Variants in DPP6 observed in about 807,000 individuals in gnomAD.
The protein encoded by DPP6 is A-type potassium channel modulatory protein DPP6.
DPP6 carries 69 observed loss-of-function variants against 122.6 expected under a neutral mutation model. The observed-to-expected ratio is 0.56, with a 90% confidence interval of 0.46 to 0.69. The LOEUF is 0.69. DPP6 is among the 30% of genes least tolerant of loss of function. The pLI is 0.00. For missense variants in DPP6, 928 were observed against 1,116.9 expected (o/e 0.83, Z 2.41); for synonymous variants, 418 against 433.1 (o/e 0.97, Z 0.43).
At chr7:154,559,347 GA>G (rs372642507) in intron 4 of DPP6, among the ~76,000 whole-genome samples, 2,217 of 114,864 alleles carry the variant, frequency 0.019, 24 homozygotes, top group South Asian at 0.044. Context: ...AGAGAAACTT[GA>G]AAAAAAAAAA....
Position 154,374,944 on chromosome 7 carries a change from A to G in DPP6, c.244-71270A>G, listed in dbSNP as rs372820512. On this transcript the variant is annotated intron_variant, in intron 1 of 25. Transcript: ENST00000377770. Reference sequence around the variant, plus strand: ...TAGTTTTAATTAATTCTTTCAACAAATATCTCTAAGTACTCATTATGTGAC... The same window carrying G: ...TAGTTTTAATTAATTCTTTCAACAAGTATCTCTAAGTACTCATTATGTGAC... Among the ~76,000 whole-genome samples, 6 of 152,112 alleles carry G rather than the reference A, an allele frequency of 3.9e-5. 1 individual carries two copies. The highest frequency in any genetic ancestry group is 8.8e-5 in the Non-Finnish European group (6 of 68,020).
chr7:154,223,814 A>G (rs1260585782), intron 1 of DPP6, among the ~76,000 whole-genome samples: 1 of 148,774 alleles, frequency 6.7e-6, no homozygotes, highest in Non-Finnish European at 1.5e-5. Context: ...ACACAGGGAA[A>G]ATCCTCTTCT....
intron 1 of DPP6, among the ~76,000 whole-genome samples, chr7:153,995,492 G>A (rs1448837044): frequency 6.6e-6 from 1 of 150,968 alleles, no homozygotes; most frequent in East Asian, 2.0e-4. Flanking sequence ...GAGAGGCTGA[G>A]GCAGGAGAAT....
At chr7:153,971,082 GTTAGTAACA>G (rs1795993746) in intron 1 of DPP6, among the ~76,000 whole-genome samples, 1 of 152,084 alleles carries the variant, frequency 6.6e-6, no homozygotes, top group South Asian at 2.1e-4. Flanking sequence ...GAATTGGCAT[GTTAGTAACA>G]TTAAGTGTAT....
At chr7:154,501,230 T>A (rs1233594019) in intron 3 of DPP6, among the ~76,000 whole-genome samples, 1 of 148,690 alleles carries the variant, frequency 6.7e-6, no homozygotes, top group Non-Finnish European at 1.5e-5. Flanking sequence ...TTTGGACAAT[T>A]TGCAGTCTGA....
chr7:154,373,718 T>A (rs55970430), intron 1 of DPP6, among the ~76,000 whole-genome samples: 124,364 of 151,720 alleles, frequency 0.82, 51,289 homozygotes, highest in East Asian at 0.88. Context: ...GCAGGCATTT[T>A]CCACCATCCA....
intron 1 of DPP6, among the ~76,000 whole-genome samples, chr7:154,395,656 C>T (rs1482090362): frequency 2.0e-5 from 3 of 151,940 alleles, no homozygotes; most frequent in Admixed American, 1.3e-4. Flanking sequence ...AAAATGGGAT[C>T]CTTAAGGTTT....
intron 1 of DPP6, among the ~76,000 whole-genome samples, chr7:154,076,431 C>T (rs993923676): frequency 2.7e-5 from 4 of 150,852 alleles, no homozygotes; most frequent in Admixed American, 6.6e-5. Flanking sequence ...GCCTGGGTGA[C>T]GAGGGCAAAA....
chr7:154,859,684 G>T (rs1803178750), intron 17 of DPP6, among the ~76,000 whole-genome samples: 1 of 152,188 alleles, frequency 6.6e-6, no homozygotes. Flanking sequence ...CCTTAAGAAG[G>T]TAATTATGGT....
chr7:154,453,244 A>G (rs908836468), intron 2 of DPP6, among the ~76,000 whole-genome samples: 1 of 152,188 alleles, frequency 6.6e-6, no homozygotes, highest in African/African-American at 2.4e-5. Context: ...CGGAAACACT[A>G]GAACACTTTT....
At chr7:154,091,280 T>A (rs985432848) in intron 1 of DPP6, among the ~76,000 whole-genome samples, 3 of 152,178 alleles carry the variant, frequency 2.0e-5, no homozygotes, top group Admixed American at 6.5e-5. Flanking sequence ...CCTCCCCTGC[T>A]TAGAAACCTC....
chr7:154,756,764 T>C (rs1273744611), intron 8 of DPP6, among the ~76,000 whole-genome samples: 3 of 152,158 alleles, frequency 2.0e-5, no homozygotes, highest in Non-Finnish European at 2.9e-5. Flanking sequence ...TGATAGCTTG[T>C]TGTGATACTT....
chr7:154,626,572 G>A (rs1011627895), intron 5 of DPP6, among the ~76,000 whole-genome samples: 6 of 152,218 alleles, frequency 3.9e-5, no homozygotes, highest in African/African-American at 1.2e-4. Context: ...GTATAATAGC[G>A]TTGGGTGTGG....
intron 7 of DPP6, among the ~76,000 whole-genome samples, chr7:154,703,764 G>A (rs575423620): frequency 3.3e-4 from 50 of 151,958 alleles, no homozygotes; most frequent in South Asian, 8.4e-4. Context: ...GTGAAACCCC[G>A]TCTCTACTAA....
At chr7:154,126,097 G>A (rs1056838792) in intron 1 of DPP6, among the ~76,000 whole-genome samples, 1 of 152,202 alleles carries the variant, frequency 6.6e-6, no homozygotes, top group Non-Finnish European at 1.5e-5. Flanking sequence ...TAGAGAAAGG[G>A]CTATTCATGG....
intron 19 of DPP6, among the ~76,000 whole-genome samples, chr7:154,872,993 G>A (rs989851395): frequency 1.3e-5 from 2 of 152,200 alleles, no homozygotes; most frequent in Non-Finnish European, 1.5e-5. Flanking sequence ...CAGGCTCACC[G>A]GAGGCTGGCA....
chr7:154,004,549 G>C (rs1232511869), intron 1 of DPP6, among the ~76,000 whole-genome samples: 1 of 151,500 alleles, frequency 6.6e-6, no homozygotes, highest in African/African-American at 2.4e-5. Context: ...AAATAAAAAT[G>C]TGTAAGTGAA....
Position 153,907,092 on chromosome 7 carries a change from G to A in DPP6, c.51+19358G>A, listed in dbSNP as rs1229268651. Among the ~76,000 whole-genome samples, 7 of 152,172 alleles carry A rather than the reference G, an allele frequency of 4.6e-5. No individual in the cohort carries two copies. The East Asian group carries it at 1.3e-3, about 29-fold the overall frequency. ...AGAAATTTCCATACTGTTTCCCATA[G>A]AGGTTGTATTAATTTACATTTCTAC... On this transcript the variant is annotated intron_variant, in intron 1 of 25. Transcript: ENST00000404039.
chr7:154,157,474 G>C (rs1304738136), intron 1 of DPP6, among the ~76,000 whole-genome samples: 1 of 152,212 alleles, frequency 6.6e-6, no homozygotes, highest in Non-Finnish European at 1.5e-5. Context: ...TATGCACAAC[G>C]TGGGTAACAC....
Sources: allele counts gnomAD v4.1 joint callset (sites outside exome capture counted in the v4.1 genomes callset), GRCh38; gene constraint gnomAD v4.1.1; transcripts MANE v1.5; gene names NCBI Gene and HGNC (gene_info 2026-07-23, HGNC 2026-07-21).